Variants in GDA observed in about 807,000 individuals in gnomAD.
GDA encodes the protein guanine deaminase, also known as cytoplasmic PSD-95 interactor.
A neutral mutation model predicts 59.6 loss-of-function variants in GDA; 18 were observed. The observed-to-expected ratio is 0.30, with a 90% CI of 0.21 to 0.45. The LOEUF is 0.45. Among genes scored for constraint, GDA ranks in the 20% least tolerant of loss-of-function variants. The pLI is 1.00. For synonymous variants in GDA, 201 were observed against 201.1 expected, an observed-to-expected ratio of 1.00 and a Z score of 0.00; for missense variants, 427 against 552.3, an observed-to-expected ratio of 0.77 and a Z score of 2.27.
chr9:72,175,070 G>A (rs1830399127), intron 1 of GDA, among the ~76,000 whole-genome samples: 1 of 152,014 alleles, frequency 6.6e-6, no homozygotes, highest in Admixed American at 6.6e-5. Context: ...GGCTGGGGAG[G>A]CAGGTAGGTG....
intron 1 of GDA, among the ~76,000 whole-genome samples, chr9:72,122,233 CAG>C (rs1180473524): frequency 6.6e-6 from 1 of 152,142 alleles, no homozygotes; most frequent in Non-Finnish European, 1.5e-5. Context: ...GGCATGGGGG[CAG>C]AGCAGTGAAA....
intron 5 of GDA, among the ~76,000 whole-genome samples, chr9:72,216,501 A>G (rs1836132866): frequency 6.6e-6 from 1 of 152,218 alleles, no homozygotes; most frequent in African/African-American, 2.4e-5. Context: ...ATAAAAAGGA[A>G]TGAAGCACTG....
intron 1 of GDA, among the ~76,000 whole-genome samples, chr9:72,161,049 G>A (rs1828562622): frequency 6.6e-6 from 1 of 151,698 alleles, no homozygotes; most frequent in South Asian, 2.1e-4. Context: ...TGGGACTACA[G>A]GTGTTTGCCA....
intron 13 of GDA, 60 bp downstream of exon 13, chr9:72,247,493 T>G: frequency 1.1e-6 from 1 of 873,604 alleles, no homozygotes; most frequent in African/African-American, 1.7e-5. Flanking sequence ...GTCTTTTTCT[T>G]GGGTATGGCT....
At chr9:72,243,683 G>T (rs988284655) in intron 11 of GDA, among the ~76,000 whole-genome samples, 1 of 152,088 alleles carries the variant, frequency 6.6e-6, no homozygotes, top group Non-Finnish European at 1.5e-5. Context: ...TCTTTTCTGA[G>T]AATAAAAGAG....
Position 72,249,601 on chromosome 9 carries a change from TA to T in GDA, c.*1261del, listed in dbSNP as rs903979656. The T allele has an allele frequency of 1.6e-4, 101 of 648,900 alleles. No homozygotes were observed. In the African/African-American group the frequency reaches 1.9e-3, roughly 13 times the overall value. 40.2% of individuals were successfully genotyped at this position (648,900 alleles called of 1,614,324 possible). The stretch of plus-strand genomic sequence containing the variant: ...AGCAAAGACTATTTTTATGCTTCCA[TA>T]ACCTAGAATTAAAACCAAATTATGA... On this transcript the variant is annotated 3_prime_UTR_variant, in exon 14 of 14. Transcript: ENST00000358399.
chr9:72,246,033 A>G (rs1176729846), intron 12 of GDA, among the ~76,000 whole-genome samples: 1 of 152,228 alleles, frequency 6.6e-6, no homozygotes, highest in Non-Finnish European at 1.5e-5. Flanking sequence ...TGAAGTTTGT[A>G]CCATTTGTTA....
At chr9:72,214,053 T>A in intron 5 of GDA, 62 bp downstream of exon 5, 1 of 942,044 alleles carries the variant, frequency 1.1e-6, no homozygotes. Flanking sequence ...ACTGATGGAG[T>A]TAGAGATGGA....
chr9:72,218,006 C>T (rs567553130), intron 5 of GDA, among the ~76,000 whole-genome samples: 2 of 152,050 alleles, frequency 1.3e-5, no homozygotes, highest in Admixed American at 1.3e-4. Flanking sequence ...CTCCCACTCC[C>T]GGGTTTAAAC....
chr9:72,135,313 G>A (rs922962192), intron 1 of GDA, among the ~76,000 whole-genome samples: 1 of 151,990 alleles, frequency 6.6e-6, no homozygotes, highest in African/African-American at 2.4e-5. Flanking sequence ...AATATTTTGA[G>A]CACATTTTAT....
chr9:72,160,489 C>A (rs529086889), intron 1 of GDA, among the ~76,000 whole-genome samples: 1 of 152,286 alleles, frequency 6.6e-6, no homozygotes, highest in East Asian at 1.9e-4. Flanking sequence ...TAATACATAA[C>A]CTTTTGTGTC....
rs1017339608 is a variant in GDA at position 72,250,633 on chromosome 9, T to A, written c.*2291T>A. ...TATCTATACCTGGGGCCAGATTTTC[T>A]GCACTTTGAAATGTTGCCTTTGCCT... On this transcript the variant is annotated 3_prime_UTR_variant, in exon 14 of 14. Transcript: ENST00000358399. The A allele has an allele frequency of 6.3e-7, 1 of 1,591,874 alleles. No homozygotes were observed. Among genetic ancestry groups the A allele is most frequent in the Non-Finnish European group, 8.5e-7 (1 of 1,172,474 alleles).
chr9:72,169,115 T>C (rs1020328317), intron 1 of GDA, among the ~76,000 whole-genome samples: 1 of 152,254 alleles, frequency 6.6e-6, no homozygotes, highest in East Asian at 1.9e-4. Context: ...GACTGCCAAA[T>C]TGCTAATTCT....
Position 72,214,797 on chromosome 9 carries a change from G to A in GDA, c.578+806G>A, listed in dbSNP as rs553582615. The A allele has an allele frequency of 1.1e-4, 31 of 281,256 alleles. No homozygotes were observed. The East Asian group carries it at 1.3e-3, about 12-fold the overall frequency. The allele number at this position is 281,256 out of a possible 1,614,324, so 17.4% of individuals were successfully genotyped here. ...CACCCAGGCTGGAGTGCAATGGCGCGATCTCAGCTCACTGAAACCTCCACC... is the reference window on the plus strand; with the variant it reads ...CACCCAGGCTGGAGTGCAATGGCGCAATCTCAGCTCACTGAAACCTCCACC... On this transcript the variant is annotated intron_variant, in intron 5 of 13. Coordinates refer to ENST00000358399, the MANE Select transcript of GDA (RefSeq NM_004293.5).
In GDA at chr9:72,248,382, G is replaced by A. The variant is rs745662788; in HGVS notation, c.*40G>A. On this transcript the variant is annotated 3_prime_UTR_variant, in exon 14 of 14. Coordinates refer to ENST00000358399, the MANE Select transcript of GDA (RefSeq NM_004293.5). ...TACAAAGTTCTCCTGGGATTAGCGT[G>A]GTTCTGCATCTCCCTTGTGCCCAGG... The A allele has an allele frequency of 6.2e-7, 1 of 1,612,104 alleles. No homozygotes were observed. The highest frequency in any genetic ancestry group is 8.5e-7 in the Non-Finnish European group (1 of 1,179,126).
chr9:72,231,075 A>G, intron 9 of GDA, 39 bp from the exon 10 acceptor site: 1 of 1,169,300 alleles, frequency 8.6e-7, no homozygotes, highest in Non-Finnish European at 1.3e-6. Flanking sequence ...TATTGGAACC[A>G]CATGGATCTC....
intron 12 of GDA, among the ~76,000 whole-genome samples, chr9:72,245,700 A>G (rs1840063969): frequency 2.6e-5 from 4 of 152,210 alleles, no homozygotes; most frequent in Admixed American, 2.6e-4. Context: ...TGATTTACGT[A>G]AAGACTCATA....
chr9:72,226,848 T>A (rs1456161059), intron 8 of GDA, among the ~76,000 whole-genome samples: 2 of 152,174 alleles, frequency 1.3e-5, no homozygotes, highest in African/African-American at 4.8e-5. Context: ...CCGGGCCTGG[T>A]GGCTCATGTC....
At chr9:72,210,024 G>T (rs1457430797) in intron 3 of GDA, among the ~76,000 whole-genome samples, 1 of 152,098 alleles carries the variant, frequency 6.6e-6, no homozygotes, top group East Asian at 1.9e-4. Context: ...GAAGTTAAGG[G>T]TGGTTGGCTG....
Sources: gnomAD v4.1 joint callset for allele counts (sites outside exome capture counted in the v4.1 genomes callset) on GRCh38, gnomAD v4.1.1 for gene constraint, MANE v1.5 for transcripts, NCBI Gene and HGNC (gene_info 2026-07-23, HGNC 2026-07-21) for gene names.